The following ZC3H12B variants were observed in gnomAD, a reference collection of about 807,000 sequenced individuals.
The protein encoded by ZC3H12B is probable ribonuclease ZC3H12B.
ZC3H12B carries 7 observed loss-of-function variants against 43.9 expected under a neutral mutation model. That is an observed-to-expected ratio of 0.16 (90% CI 0.09 to 0.30). The LOEUF (loss-of-function observed/expected upper bound fraction) is 0.30. Among genes scored for constraint, ZC3H12B ranks in the 10% least tolerant of loss-of-function variants. The pLI, the probability that ZC3H12B is intolerant of heterozygous loss-of-function variation, is 1.00. For missense variants in ZC3H12B, 475 were observed against 670.2 expected (o/e 0.71, Z 3.22); for synonymous variants, 222 against 241.7 (o/e 0.92, Z 0.76).
chrX:65,301,815 T>C, the ZC3H12B span, among the ~76,000 whole-genome samples: 2 of 111,365 alleles, frequency 1.8e-5, no homozygotes, highest in African/African-American at 6.5e-5. Context: ...AACTTATCCA[T>C]TTAACCAAAC....
chrX:65,473,692 A>G (rs2067956768), intron 3 of ZC3H12B, among the ~76,000 whole-genome samples: 1 of 111,915 alleles, frequency 8.9e-6, no homozygotes, highest in African/African-American at 3.2e-5. Context: ...TTGCCTAATT[A>G]TTCTGGCTAG....
chrX:65,372,514 A>AAGGT (rs1253986529), intron 2 of ZC3H12B, among the ~76,000 whole-genome samples: 3 of 100,074 alleles, frequency 3.0e-5, no homozygotes, highest in Non-Finnish European at 6.1e-5. Flanking sequence ...GGAAGGAAGG[A>AAGGT]AGGAAGGAAG....
the ZC3H12B span, among the ~76,000 whole-genome samples, chrX:65,322,754 A>T: frequency 1.0e-4 from 11 of 110,145 alleles, no homozygotes; most frequent in Non-Finnish European, 2.1e-4. Context: ...AAAGTTTAGA[A>T]TTTTTTTTTC....
the ZC3H12B span, among the ~76,000 whole-genome samples, chrX:65,108,843 T>G: frequency 9.0e-6 from 1 of 111,721 alleles, no homozygotes; most frequent in South Asian, 3.7e-4. Flanking sequence ...GAGTAATGTC[T>G]TATGCTACAA....
intron 3 of ZC3H12B, among the ~76,000 whole-genome samples, chrX:65,409,983 A>G (rs575430764): frequency 2.7e-5 from 3 of 110,963 alleles, no homozygotes; most frequent in South Asian, 3.8e-4. Context: ...ATAGGCATAC[A>G]TAAGACCCAG....
In ZC3H12B at chrX:65,459,311, T is replaced by G. The variant is rs773811346; in HGVS notation, n.408-29335T>G. 6.2e-5 allele frequency among the ~76,000 whole-genome samples: 7 copies of G among 112,045 alleles called. No homozygotes were observed. In the East Asian group the frequency reaches 2.0e-3, roughly 31 times the overall value. On this transcript the variant is annotated intron_variant and non_coding_transcript_variant, in intron 3 of 5. Coordinates refer to the ZC3H12B transcript ENST00000617377. ...GAGATGGTACCATTCCTTCTGGAAC[T>G]ACTCCAATCAATAGAAAAAGAGGGA...
In ZC3H12B at chrX:65,497,282, A is replaced by G. The variant is rs751987564; in HGVS notation, c.748+11A>G. The G allele has an allele frequency of 1.7e-6, 2 of 1,191,563 alleles. No individual in the cohort carries two copies. Among genetic ancestry groups the G allele is most frequent in the African/African-American group, 3.5e-5 (2 of 56,967 alleles). ...ATGCACCAATTACAGGTATTGTGTCAAATAAGACATTTCTTCTCATCTAGA... is the reference window on the plus strand; with the variant it reads ...ATGCACCAATTACAGGTATTGTGTCGAATAAGACATTTCTTCTCATCTAGA... On this transcript the variant is annotated intron_variant, in intron 2 of 4. Coordinates refer to ENST00000338957, the Ensembl canonical transcript of ZC3H12B.
the ZC3H12B span, among the ~76,000 whole-genome samples, chrX:65,343,515 G>T: frequency 9.0e-6 from 1 of 111,612 alleles, no homozygotes; most frequent in African/African-American, 3.3e-5. Context: ...ATAAACAGTT[G>T]GTTCACTACA....
chrX:65,263,309 C>T, the ZC3H12B span, among the ~76,000 whole-genome samples: 7 of 110,530 alleles, frequency 6.3e-5, no homozygotes, highest in African/African-American at 2.3e-4. Context: ...TTTAAAACTG[C>T]TTTGGGATCA....
the ZC3H12B span, among the ~76,000 whole-genome samples, chrX:65,274,445 A>ATT: frequency 2.7e-5 from 3 of 110,517 alleles, no homozygotes; most frequent in Non-Finnish European, 5.7e-5. Context: ...CCACATGGGT[A>ATT]ACTGAATGTC....
At chrX:65,254,058 C>T in the ZC3H12B span, among the ~76,000 whole-genome samples, 90 of 112,062 alleles carry the variant, frequency 8.0e-4, no homozygotes, top group African/African-American at 2.4e-3. Flanking sequence ...GACCAGCGGC[C>T]CCAGCTCCAC....
chrX:65,450,035 G>A (rs1387581748), intron 3 of ZC3H12B, among the ~76,000 whole-genome samples: 3 of 110,098 alleles, frequency 2.7e-5, no homozygotes, highest in African/African-American at 9.9e-5. Context: ...GGCTGGGCGT[G>A]GTAACTCACG....
the ZC3H12B span, among the ~76,000 whole-genome samples, chrX:65,282,510 A>C: frequency 9.9e-5 from 11 of 111,661 alleles, no homozygotes. Context: ...ACTCAAAAAA[A>C]TCCTTCAAAA....
At chrX:65,364,110 G>A (rs1484947444), upstream of ZC3H12B, among the ~76,000 whole-genome samples, 2 of 110,644 alleles carry the variant, frequency 1.8e-5, no homozygotes, top group Non-Finnish European at 3.8e-5. Context: ...GTTCCACCAG[G>A]CCTAATCGCT....
chrX:65,109,505 A>G, the ZC3H12B span, among the ~76,000 whole-genome samples: 3 of 111,918 alleles, frequency 2.7e-5, no homozygotes, highest in Non-Finnish European at 5.7e-5. Flanking sequence ...AGGTCTATGC[A>G]TGTGGTAGCC....
At chrX:65,461,587 C>T (rs1198021029) in intron 3 of ZC3H12B, among the ~76,000 whole-genome samples, 1 of 111,651 alleles carries the variant, frequency 9.0e-6, no homozygotes, top group Non-Finnish European at 1.9e-5. Flanking sequence ...TCATTCTCAG[C>T]AATCTATCAC....
intron 1 of ZC3H12B, among the ~76,000 whole-genome samples, chrX:65,490,315 C>T (rs1352583479): frequency 6.2e-5 from 6 of 97,067 alleles, no homozygotes; most frequent in South Asian, 9.5e-4. Context: ...GATGGAGTGA[C>T]GTAAGAAAGG....
the ZC3H12B span, among the ~76,000 whole-genome samples, chrX:65,095,819 A>G: frequency 2.7e-5 from 3 of 111,008 alleles, no homozygotes; most frequent in Non-Finnish European, 5.7e-5. Context: ...ATTGTGCAGC[A>G]TTTGCAAAGT....
rs1186517115 is a variant in ZC3H12B at position 65,439,402 on chromosome X, C to T, written n.407+40698C>T. On this transcript the variant is annotated intron_variant and non_coding_transcript_variant, in intron 3 of 5. Transcript: ENST00000617377. ...GGCACGCAGACTGAGAGGTGCAATTCAATCTAAACATCCCCTTATGGGACC... is the reference window on the plus strand; with the variant it reads ...GGCACGCAGACTGAGAGGTGCAATTTAATCTAAACATCCCCTTATGGGACC... Among the ~76,000 whole-genome samples, 4 of 111,562 alleles carry T rather than the reference C, an allele frequency of 3.6e-5. No individual in the cohort carries two copies. In the East Asian group the frequency reaches 1.1e-3, roughly 31 times the overall value.
Sources: gnomAD v4.1 joint callset for allele counts (sites outside exome capture counted in the v4.1 genomes callset) on GRCh38, gnomAD v4.1.1 for gene constraint, MANE v1.5 for transcripts, NCBI Gene and HGNC (gene_info 2026-07-23, HGNC 2026-07-21) for gene names.